The following LGR5 variants were observed in gnomAD, a reference collection of about 807,000 sequenced individuals.
The protein encoded by LGR5 is leucine rich repeat containing G protein-coupled receptor 5.
LGR5 carries 54 observed loss-of-function variants against 76.7 expected under a neutral mutation model. The ratio of observed to expected loss-of-function variants is 0.70; its 90% CI spans 0.57 to 0.88. The LOEUF is 0.88. Among genes scored for constraint, LGR5 ranks in the 40% least tolerant of loss-of-function variants. The probability of loss-of-function intolerance (pLI) is 0.00; values close to 1 mark genes in which losing one functional copy is unlikely to be tolerated. For missense variants in LGR5, 1,078 were observed against 1,073.3 expected (o/e 1.00, Z -0.06); for synonymous variants, 406 against 421.9 (o/e 0.96, Z 0.46).
chr12:71,566,453 CATT>C lies in LGR5; in HGVS notation c.908_910del (p.His303del). On this transcript the variant is annotated inframe_deletion, in exon 9 of 18. Transcript: ENST00000266674. ...GTTTGTTGGGAGATCTGCTTTTCAA[CATT>C]TACCTGAACTAAGAACACTGTAAGT... 6.2e-7 allele frequency: 1 copy of C among 1,604,636 alleles called. No individual in the cohort carries two copies. The highest frequency in any genetic ancestry group is 1.1e-5 in the South Asian group (1 of 90,854).
chr12:71,556,533 T>C, intron 5 of LGR5, 86 bp from the exon 6 acceptor site: 1 of 898,634 alleles, frequency 1.1e-6, no homozygotes, highest in Non-Finnish European at 1.9e-6. Context: ...TTCTTCAGTA[T>C]ATGTTTCTTT....
rs1168977330 is a variant in LGR5 at position 71,572,413 on chromosome 12, T to G, written c.1137-437T>G. ...GTTGTTTTATAGTCACACTTCAGTTTTGATCAAAACAATATTCACCATCTA... is the reference window on the plus strand; with the variant it reads ...GTTGTTTTATAGTCACACTTCAGTTGTGATCAAAACAATATTCACCATCTA... On this transcript the variant is annotated intron_variant, in intron 12 of 17. Coordinates refer to ENST00000266674, the MANE Select transcript of LGR5 (RefSeq NM_003667.4). 2.6e-5 allele frequency among the ~76,000 whole-genome samples: 4 copies of G among 152,228 alleles called. 1 individual carries two copies. The highest frequency in any genetic ancestry group is 4.1e-4 in the South Asian group (2 of 4,836).
chr12:71,544,110 C>T (rs912954807), intron 4 of LGR5, among the ~76,000 whole-genome samples: 17 of 152,202 alleles, frequency 1.1e-4, no homozygotes, highest in Non-Finnish European at 2.1e-4. Flanking sequence ...TTGCACTCCT[C>T]AAAGACGCCA....
chr12:71,474,927 T>G (rs1873261625), intron 1 of LGR5, among the ~76,000 whole-genome samples: 1 of 152,208 alleles, frequency 6.6e-6, no homozygotes, highest in African/African-American at 2.4e-5. Context: ...GGTGTACAGA[T>G]GCAGAAGATT....
At chr12:71,548,665 CA>C (rs1313490615) in intron 4 of LGR5, among the ~76,000 whole-genome samples, 1 of 152,094 alleles carries the variant, frequency 6.6e-6, no homozygotes, top group Non-Finnish European at 1.5e-5. Context: ...AATCAGAAAG[CA>C]ACCCTATAAG....
intron 1 of LGR5, among the ~76,000 whole-genome samples, chr12:71,471,641 G>GT (rs71437179): frequency 1.7e-3 from 236 of 142,450 alleles, no homozygotes; most frequent in South Asian, 2.2e-3. Flanking sequence ...AAGCTGTTTT[G>GT]TTTTTTTTTT....
At position 71,440,862 on chromosome 12, in the gene LGR5, C is replaced by A. The variant is rs959797858; in HGVS notation, c.212+570C>A. On this transcript the variant is annotated intron_variant, in intron 1 of 17. Transcript: ENST00000266674. This position sits in a 1 kb window ranked among gnomAD's most constrained non-coding sequence, Gnocchi z 5.3. ...TTCCTCCCTTCTTCCTTCCTTCCCT[C>A]CCTCCTTTCTTTTTATTTTCTTTCT... Among the ~76,000 whole-genome samples, 1 of 152,132 alleles carries A rather than the reference C, an allele frequency of 6.6e-6. No individual in the cohort carries two copies. Among genetic ancestry groups the A allele is most frequent in the East Asian group, 1.9e-4 (1 of 5,186 alleles).
rs139824571 is a variant in LGR5 at position 71,580,283 on chromosome 12, T to C, written c.1412T>C (p.Ile471Thr). Reference sequence around the variant, plus strand: ...TGGGTTTTGTTCATTTAAAGGGTTATAGAAATGCCTTATGCTTACCAGTGC... The same window carrying C: ...TGGGTTTTGTTCATTTAAAGGGTTACAGAAATGCCTTATGCTTACCAGTGC... ...SSENFPELKV[I>T]EMPYAYQCCA... The change falls in exon 16 of 18, where the codon ATA (isoleucine) becomes ACA (threonine). Residue 471 changes from isoleucine to threonine, a missense_variant. Physicochemically the swap from Ile to Thr is moderately conservative, Grantham distance 89 (BLOSUM62 -1). Coordinates refer to ENST00000266674, the MANE Select transcript of LGR5 (RefSeq NM_003667.4). The C allele has an allele frequency of 1.7e-5, 27 of 1,610,260 alleles. No individual in the cohort carries two copies. In the East Asian group the frequency reaches 4.9e-4, roughly 29 times the overall value.
chr12:71,463,401 TG>T (rs1429985492), intron 1 of LGR5, among the ~76,000 whole-genome samples: 5 of 152,336 alleles, frequency 3.3e-5, no homozygotes, highest in African/African-American at 9.6e-5. Context: ...TAGAAACATT[TG>T]GGTTGAGATC....
At chr12:71,575,294 A>G (rs1274254163) in intron 13 of LGR5, among the ~76,000 whole-genome samples, 2 of 152,208 alleles carry the variant, frequency 1.3e-5, no homozygotes, top group African/African-American at 4.8e-5. Flanking sequence ...TATTATTATT[A>G]TGAAAATAAG....
rs367771178 is a variant in LGR5 at position 71,515,123 on chromosome 12, C to T, written c.285-9283C>T. Among the ~76,000 whole-genome samples, 9 of 152,300 alleles carry T rather than the reference C, an allele frequency of 5.9e-5. No individual in the cohort carries two copies. The East Asian group carries it at 7.7e-4, about 13-fold the overall frequency. ...CAATTGCTGCTGTCATGCATTACTGCAAGTTGAGGCAAATTACATCTTACT... is the reference window on the plus strand; with the variant it reads ...CAATTGCTGCTGTCATGCATTACTGTAAGTTGAGGCAAATTACATCTTACT... On this transcript the variant is annotated intron_variant, in intron 2 of 17. Coordinates refer to ENST00000266674, the MANE Select transcript of LGR5 (RefSeq NM_003667.4).
chr12:71,483,700 T>C (rs1873706860), intron 1 of LGR5, among the ~76,000 whole-genome samples: 1 of 152,164 alleles, frequency 6.6e-6, no homozygotes, highest in Admixed American at 6.5e-5. Context: ...TCTACATGCC[T>C]CTGTTTCTTT....
At chr12:71,442,353 C>A (rs1316084934) in intron 1 of LGR5, among the ~76,000 whole-genome samples, 3 of 152,104 alleles carry the variant, frequency 2.0e-5, no homozygotes, top group African/African-American at 7.2e-5. Context: ...ATAGAACAAT[C>A]TATCTATCTA....
chr12:71,554,294 A>T (rs368334087), intron 5 of LGR5, among the ~76,000 whole-genome samples: 56 of 152,162 alleles, frequency 3.7e-4, no homozygotes, highest in African/African-American at 1.1e-3. Context: ...GCTCTGAGTC[A>T]GTCCTGGATG....
rs554509987 is a variant in LGR5 at position 71,493,364 on chromosome 12, G to A, written c.213-11250G>A. Among the ~76,000 whole-genome samples, 137 of 151,228 alleles carry A rather than the reference G, an allele frequency of 9.1e-4. 7 individuals carry two copies. The highest frequency in any genetic ancestry group is 3.1e-3 in the African/African-American group (126 of 40,592). On this transcript the variant is annotated intron_variant, in intron 1 of 17. Coordinates refer to ENST00000266674, the MANE Select transcript of LGR5 (RefSeq NM_003667.4). ...AACTGATATAAATCAGGAAACACAGGGTCATAGACTCCTATGAGGATTCTC... is the reference window on the plus strand; with the variant it reads ...AACTGATATAAATCAGGAAACACAGAGTCATAGACTCCTATGAGGATTCTC...
In LGR5 at chr12:71,585,000, A is replaced by T. The variant is rs945870722; in HGVS notation, c.*266A>T. 1 of 363,220 alleles carries T rather than the reference A, an allele frequency of 2.8e-6. No homozygotes were observed. The highest frequency in any genetic ancestry group is 2.1e-5 in the African/African-American group (1 of 48,434). The allele number at this position is 363,220 out of a possible 1,614,324, so 22.5% of individuals were successfully genotyped here. ...AGCCCAGATCAAAAAAGCAGATTGA[A>T]ATTTTCTTTAGAAAAGATTCTCCAT... On this transcript the variant is annotated 3_prime_UTR_variant, in exon 18 of 18. Coordinates refer to ENST00000266674, the MANE Select transcript of LGR5 (RefSeq NM_003667.4).
At chr12:71,565,822 G>T (rs940133151) in intron 8 of LGR5, among the ~76,000 whole-genome samples, 5 of 151,796 alleles carry the variant, frequency 3.3e-5, no homozygotes, top group African/African-American at 9.7e-5. Flanking sequence ...CCACTACATT[G>T]AAAACATCTG....
chr12:71,481,437 T>C (rs1873596415), intron 1 of LGR5, among the ~76,000 whole-genome samples: 1 of 152,236 alleles, frequency 6.6e-6, no homozygotes, highest in Non-Finnish European at 1.5e-5. Flanking sequence ...CATTCTTTTT[T>C]ATGGCTGCAT....
Position 71,540,760 on chromosome 12 carries a change from T to C in LGR5, c.428+5574T>C, listed in dbSNP as rs923636416. 2.6e-5 allele frequency among the ~76,000 whole-genome samples: 4 copies of C among 151,908 alleles called. No individual in the cohort carries two copies. In the South Asian group the frequency reaches 6.2e-4, roughly 24 times the overall value. The stretch of plus-strand genomic sequence containing the variant: ...CCAGGAGGCTATTGGGCTTCAGACA[T>C]GGGATATAGAATGGGAAGGAAGTAA... On this transcript the variant is annotated intron_variant, in intron 4 of 17. Coordinates refer to ENST00000266674, the MANE Select transcript of LGR5 (RefSeq NM_003667.4).
Sources: gnomAD v4.1 joint callset for allele counts (sites outside exome capture counted in the v4.1 genomes callset) on GRCh38, gnomAD v4.1.1 for gene constraint, Gnocchi (gnomAD v3.1) non-coding constraint, MANE v1.5 for transcripts, NCBI Gene and HGNC (gene_info 2026-07-23, HGNC 2026-07-21) for gene names.